Variants in DNAJC11 observed in about 807,000 individuals in gnomAD.
The protein encoded by DNAJC11 is dnaJ homolog subfamily C member 11.
Under a neutral mutation model 78.6 loss-of-function variants are expected in DNAJC11, and 15 were observed. The ratio of observed to expected loss-of-function variants is 0.19; its 90% confidence interval spans 0.13 to 0.29. The LOEUF (loss-of-function observed/expected upper bound fraction) is 0.29. Ranked by LOEUF, DNAJC11 falls within the 10% of genes least tolerant of loss-of-function variation. DNAJC11 has a pLI of 1.00. For missense variants in DNAJC11, 547 were observed against 709.6 expected (o/e 0.77, Z 2.60); for synonymous variants, 292 against 272.1 (o/e 1.07, Z -0.72).
At chr1:6,669,171 A>G (rs947592649) in intron 3 of DNAJC11, among the ~76,000 whole-genome samples, 1 of 150,228 alleles carries the variant, frequency 6.7e-6, no homozygotes, top group African/African-American at 2.5e-5. Context: ...TGGGTAACAG[A>G]GCAAGACTCT....
rs375527993 is a variant in DNAJC11 at position 6,636,171 on chromosome 1, C to T, written c.1600G>A (p.Val534Ile). ...TCCAGCACCATCACCTGATGCAGGACGCCCCGGAACTGATAGAGCACTTTC... is the reference window on the plus strand; with the variant it reads ...TCCAGCACCATCACCTGATGCAGGATGCCCCGGAACTGATAGAGCACTTTC... The part of the protein sequence containing the change: ...NLKVLYQFRG[V>I]LHQVMVLDSE... Residue 534 changes from valine to isoleucine, a missense_variant, in exon 15 of 16, where the codon GTC becomes ATC. Transcript: ENST00000377577. 62 of 1,614,168 alleles carry T rather than the reference C, an allele frequency of 3.8e-5. No individual in the cohort carries two copies. Among genetic ancestry groups the T allele is most frequent in the Admixed American group, 1.7e-4 (10 of 60,020 alleles).
intron 1 of DNAJC11, 29 bp downstream of exon 1, chr1:6,701,700 C>A: frequency 6.6e-7 from 1 of 1,520,974 alleles, no homozygotes; most frequent in Non-Finnish European, 8.8e-7. Flanking sequence ...TCGGCCTCAG[C>A]CCCCAGAGCG....
At chr1:6,670,292 C>T (rs1289317643) in intron 3 of DNAJC11, among the ~76,000 whole-genome samples, 1 of 152,086 alleles carries the variant, frequency 6.6e-6, no homozygotes, top group African/African-American at 2.4e-5. Context: ...ATTCCCCTTA[C>T]CCATATTCCC....
chr1:6,640,685 A>G (rs1167396436), intron 10 of DNAJC11, among the ~76,000 whole-genome samples: 1 of 151,908 alleles, frequency 6.6e-6, no homozygotes, highest in African/African-American at 2.4e-5. Context: ...TACAAAAATT[A>G]GCCGGGCGTG....
At chr1:6,669,435 C>T (rs1347013635) in intron 3 of DNAJC11, among the ~76,000 whole-genome samples, 9 of 151,738 alleles carry the variant, frequency 5.9e-5, no homozygotes, top group Admixed American at 4.0e-4. Flanking sequence ...CACTTGAACC[C>T]GGCAGGCGGA....
rs1280634610 is a variant in DNAJC11, at chr1:6,653,763, G to C, written c.507+148C>G. On this transcript the variant is annotated intron_variant, in intron 5 of 15. Transcript: ENST00000377577. This position sits in a 1 kb window ranked among gnomAD's most constrained non-coding sequence, Gnocchi z 4.5. ...GCGGTAACACACGGCTGGGAATGAA[G>C]CGCTTTCTTTTTTAAGTGGCTAATT... 9.2e-7 allele frequency: 1 copy of C among 1,084,910 alleles called. No individual in the cohort carries two copies. Among genetic ancestry groups the C allele is most frequent in the Non-Finnish European group, 1.3e-6 (1 of 765,852 alleles). The allele number at this position is 1,084,910 out of a possible 1,614,324, so 67.2% of individuals were successfully genotyped here.
chr1:6,652,703 A>C (rs1465734253), intron 6 of DNAJC11, 126 bp downstream of exon 6: 3 of 1,303,376 alleles, frequency 2.3e-6, no homozygotes, highest in African/African-American at 3.0e-5. Flanking sequence ...GAAGCTTGAC[A>C]CTTGGTACCG....
At chr1:6,669,872 A>G (rs1192204934) in intron 3 of DNAJC11, among the ~76,000 whole-genome samples, 1 of 152,148 alleles carries the variant, frequency 6.6e-6, no homozygotes, top group African/African-American at 2.4e-5. Flanking sequence ...AACACAGGGG[A>G]GTCTTGAGTT....
rs759868966 is a variant in DNAJC11 at position 6,634,742 on chromosome 1, G to C, written c.*933C>G. On this transcript the variant is annotated 3_prime_UTR_variant, in exon 16 of 16. Coordinates refer to ENST00000377577, the MANE Select transcript of DNAJC11 (RefSeq NM_018198.4). ...CCGGAGCACAGGCCCTGGTGTTCCT[G>C]TGAGGACGCTGGACCTGCAGGAGCG... The C allele has an allele frequency of 3.7e-6, 5 of 1,353,428 alleles. No individual in the cohort carries two copies. The highest frequency in any genetic ancestry group is 2.1e-4 in the Middle Eastern group (1 of 4,660). The allele number at this position is 1,353,428 out of a possible 1,614,324, so 83.8% of individuals were successfully genotyped here.
At chr1:6,681,407 G>A (rs1431693312) in intron 1 of DNAJC11, among the ~76,000 whole-genome samples, 7 of 152,164 alleles carry the variant, frequency 4.6e-5, no homozygotes, top group African/African-American at 1.7e-4. Context: ...ACAGGTTCAG[G>A]CAAAGAAAAG....
intron 1 of DNAJC11, among the ~76,000 whole-genome samples, chr1:6,685,656 C>T (rs936485293): frequency 6.6e-6 from 1 of 152,198 alleles, no homozygotes; most frequent in African/African-American, 2.4e-5. Context: ...CATAAATGGA[C>T]CTGACTGGGA....
Position 6,653,798 on chromosome 1 carries a change from CATAA to C in DNAJC11, c.507+109_507+112del, listed in dbSNP as rs1642089582. ...TTTTAAGTGGCTAATTGCATCCTTTCATAAATAAAGATGAGAAAAACCCTGGGCA... is the reference window on the plus strand; with the variant it reads ...TTTTAAGTGGCTAATTGCATCCTTTCATAAAGATGAGAAAAACCCTGGGCA... On this transcript the variant is annotated intron_variant, in intron 5 of 15. Coordinates refer to ENST00000377577, the MANE Select transcript of DNAJC11 (RefSeq NM_018198.4). The surrounding 1 kb of genome is among the most constrained non-coding windows in gnomAD (Gnocchi z 4.5). 2 of 1,381,370 alleles carry C rather than the reference CATAA, an allele frequency of 1.4e-6. No individual in the cohort carries two copies. The highest frequency in any genetic ancestry group is 1.3e-5 in the South Asian group (1 of 75,854). The allele number at this position is 1,381,370 out of a possible 1,614,324, so 85.6% of individuals were successfully genotyped here.
intron 3 of DNAJC11, among the ~76,000 whole-genome samples, chr1:6,673,179 G>C (rs1460606788): frequency 9.0e-6 from 1 of 110,654 alleles, no homozygotes; most frequent in African/African-American, 3.4e-5. Flanking sequence ...CTGGGTGAAA[G>C]AGCGAAACTC....
At chr1:6,671,412 T>G (rs1056626548) in intron 3 of DNAJC11, among the ~76,000 whole-genome samples, 8 of 150,402 alleles carry the variant, frequency 5.3e-5, no homozygotes, top group Non-Finnish European at 8.9e-5. Context: ...CCGGCTAATT[T>G]TTTTTAGTAG....
chr1:6,645,803 T>C lies in DNAJC11; in HGVS notation c.880A>G (p.Thr294Ala). Residue 294 changes from threonine to alanine, a missense_variant, in exon 8 of 16, where the codon ACT becomes GCT. Physicochemically the swap from Thr to Ala is moderately conservative, Grantham distance 58 (BLOSUM62 0). Transcript: ENST00000377577. This position sits in a 1 kb window ranked among gnomAD's most constrained non-coding sequence, Gnocchi z 4.1. ...IVRDTKTSHFTVALQLGIPHS... is the reference protein window; with the variant it reads ...IVRDTKTSHFAVALQLGIPHS... ...GCTCGGCTCACCTGCAGGGCCACAG[T>C]GAAGTGGCTGGTTTTAGTGTCTCGG... 1.9e-6 allele frequency: 3 copies of C among 1,613,962 alleles called. No homozygotes were observed. In the African/African-American group the frequency reaches 4.0e-5, roughly 22 times the overall value.
intron 4 of DNAJC11, among the ~76,000 whole-genome samples, chr1:6,666,874 C>T (rs561550747): frequency 1.3e-5 from 2 of 152,290 alleles, no homozygotes; most frequent in South Asian, 4.1e-4. Context: ...GGCTCTCTGC[C>T]AGGCCATCCT....
chr1:6,701,673 C>T lies in DNAJC11; in HGVS notation c.72+56G>A, dbSNP rs538431216. On this transcript the variant is annotated intron_variant, in intron 1 of 15. Coordinates refer to ENST00000377577, the MANE Select transcript of DNAJC11 (RefSeq NM_018198.4). ...TGGGGCGGCCACCGCCAGCCCGGCC[C>T]TCCCGAACGACCGGGCTCGGCCTCA... 1.5e-4 allele frequency: 223 copies of T among 1,475,060 alleles called. No individual in the cohort carries two copies. The African/African-American group carries it at 2.9e-3, about 19-fold the overall frequency. 91.4% of individuals were successfully genotyped at this position (1,475,060 alleles called of 1,614,324 possible). A position where few individuals can be genotyped will look rare whatever the true frequency, so the allele number is the denominator to read the frequency against.
At chr1:6,677,512 G>A (rs1642483555) in intron 3 of DNAJC11, among the ~76,000 whole-genome samples, 1 of 152,130 alleles carries the variant, frequency 6.6e-6, no homozygotes, top group Non-Finnish European at 1.5e-5. Flanking sequence ...TCTCAGGCTG[G>A]TCTCGAACTC....
chr1:6,696,524 A>G (rs1464306275), intron 1 of DNAJC11, among the ~76,000 whole-genome samples: 1 of 152,138 alleles, frequency 6.6e-6, no homozygotes, highest in African/African-American at 2.4e-5. Context: ...CTGCAGCTCA[A>G]ACTCAACTGT....
Sources: gnomAD v4.1 joint callset for allele counts (sites outside exome capture counted in the v4.1 genomes callset) on GRCh38, gnomAD v4.1.1 for gene constraint, Gnocchi (gnomAD v3.1) non-coding constraint, MANE v1.5 for transcripts, NCBI Gene and HGNC (gene_info 2026-07-23, HGNC 2026-07-21) for gene names.